The following DUSP11 variants were observed in gnomAD, a reference collection of about 807,000 sequenced individuals.
The protein encoded by DUSP11 is dual specificity phosphatase 11.
In DUSP11, 27 loss-of-function variants were observed where a neutral mutation model predicts 41.4. That is an observed-to-expected ratio of 0.65 (90% confidence interval 0.48 to 0.90). The LOEUF (loss-of-function observed/expected upper bound fraction) is 0.90, where lower values mean the gene tolerates loss of function less well. Among genes scored for constraint, DUSP11 ranks in the 40% least tolerant of loss-of-function variants. DUSP11 has a pLI of 0.00. For synonymous variants in DUSP11, 188 were observed against 159.3 expected (o/e 1.18, Z -1.35); for missense variants, 465 against 461.1 (o/e 1.01, Z -0.08).
intron 2 of DUSP11, among the ~76,000 whole-genome samples, chr2:73,777,958 G>C (rs762167554): frequency 2.6e-5 from 4 of 152,010 alleles, no homozygotes; most frequent in South Asian, 2.1e-4. Context: ...AACCCACCTA[G>C]ATCAGTCTAC....
At chr2:73,762,372 G>A (rs1378366217) in exon 9 of DUSP11, 2 of 214,268 alleles carry the variant, frequency 9.3e-6, no homozygotes, top group Admixed American at 5.5e-5. Flanking sequence ...AGAAAAACAA[G>A]ATAGAATTTT....
At chr2:73,762,798 C>G in exon 9 of DUSP11, 1 of 1,612,416 alleles carries the variant, frequency 6.2e-7, no homozygotes, top group Non-Finnish European at 8.5e-7. Context: ...TAGTCCTCTC[C>G]AGGGGGACCA....
chr2:73,771,779 G>C (rs1421549518), intron 4 of DUSP11, among the ~76,000 whole-genome samples: 3 of 149,104 alleles, frequency 2.0e-5, no homozygotes, highest in African/African-American at 7.4e-5. Context: ...CGGGATTACA[G>C]GCATGAGCCA....
At chr2:73,770,273 G>A (rs2103936318) in intron 4 of DUSP11, among the ~76,000 whole-genome samples, 1 of 152,034 alleles carries the variant, frequency 6.6e-6, no homozygotes, top group East Asian at 1.9e-4. Flanking sequence ...CCAGCCCTTT[G>A]GGAGGCGGAG....
At position 73,766,413 on chromosome 2, in the gene DUSP11, G is replaced by C. The variant is rs147626836; in HGVS notation, c.935+5C>G. 864 of 1,601,724 alleles carry C rather than the reference G, an allele frequency of 5.4e-4. 3 individuals carry two copies. The African/African-American group carries it at 0.01, about 19-fold the overall frequency. On this transcript the variant is annotated splice_donor_5th_base_variant and intron_variant, in intron 8 of 8. Transcript: ENST00000272444. ...TTCTAGAAAAGGGAAAACAGAGAGA[G>C]GTACCTGACTGATTGTTGCAAACTT...
At chr2:73,778,257 T>G (rs766200711) in intron 2 of DUSP11, 44 bp downstream of exon 2, 1 of 1,340,488 alleles carries the variant, frequency 7.5e-7, no homozygotes, top group Admixed American at 2.0e-5. Context: ...TTCTGCATGG[T>G]GAACTCAGAT....
chr2:73,774,851 T>G, intron 3 of DUSP11, 62 bp downstream of exon 3: 2 of 1,359,416 alleles, frequency 1.5e-6, no homozygotes, highest in Non-Finnish European at 2.0e-6. Flanking sequence ...ATTACTGAAT[T>G]ACTATAAATT....
chr2:73,762,802 G>A (rs537313094), exon 9 of DUSP11: 8 of 1,611,694 alleles, frequency 5.0e-6, no homozygotes, highest in African/African-American at 1.3e-5. Flanking sequence ...CCTCTCCAGG[G>A]GGACCAGGAG....
intron 2 of DUSP11, 60 bp downstream of exon 2, chr2:73,778,241 G>C: frequency 9.3e-7 from 1 of 1,074,608 alleles, no homozygotes; most frequent in Non-Finnish European, 1.4e-6. Context: ...AGAGTGGAGA[G>C]CAGTGTTCTG....
At chr2:73,775,889 G>C (rs1011698920) in intron 2 of DUSP11, among the ~76,000 whole-genome samples, 2 of 114,718 alleles carry the variant, frequency 1.7e-5, no homozygotes, top group Non-Finnish European at 3.6e-5. Flanking sequence ...AAAAAAAAAA[G>C]AGATAGGGTC....
chr2:73,778,248 T>C, intron 2 of DUSP11, 53 bp downstream of exon 2: 3 of 1,229,990 alleles, frequency 2.4e-6, no homozygotes, highest in Non-Finnish European at 3.5e-6. Flanking sequence ...AGAGCAGTGT[T>C]CTGCATGGTG....
intron 5 of DUSP11, chr2:73,768,376 T>A (rs1672511278): frequency 1.1e-6 from 1 of 883,066 alleles, no homozygotes; most frequent in African/African-American, 1.8e-5. Flanking sequence ...AGCTAAAGTC[T>A]CTTTGCTAAC....
chr2:73,780,033 C>A (rs1672762162), exon 1 of DUSP11: 2 of 1,613,892 alleles, frequency 1.2e-6, no homozygotes, highest in Non-Finnish European at 1.7e-6. Context: ...CAGTCCGGCG[C>A]CCTCAATGCC....
chr2:73,779,653 CAGAACCTCCCTTTTACA>C (rs1395720951), intron 1 of DUSP11: 10 of 701,326 alleles, frequency 1.4e-5, no homozygotes, highest in Non-Finnish European at 2.4e-5. Flanking sequence ...GAGCAATGGC[CAGAACCTCCCTTTTACA>C]AGAATATGGA....
Position 73,767,139 on chromosome 2 carries a change from T to G in DUSP11, c.682+22A>C, listed in dbSNP as rs373082460. 22 of 1,593,870 alleles carry G rather than the reference T, an allele frequency of 1.4e-5. No individual in the cohort carries two copies. In the East Asian group the frequency reaches 4.2e-4, roughly 31 times the overall value. ...CTTTAACTTTAATAAAAGGGAAAAA[T>G]AGTGTCAACCCTCATACTTACATTC... On this transcript the variant is annotated intron_variant, in intron 6 of 8. Coordinates refer to ENST00000272444, the Ensembl canonical transcript of DUSP11.
exon 8 of DUSP11, chr2:73,766,477 C>T: frequency 6.2e-6 from 10 of 1,614,058 alleles, no homozygotes; most frequent in Non-Finnish European, 8.5e-6. Flanking sequence ...CTGAGTGACC[C>T]TGGATCTGAT....
At chr2:73,762,721 CCTT>C (rs1210020635) in exon 9 of DUSP11, 2 of 1,613,728 alleles carry the variant, frequency 1.2e-6, no homozygotes, top group East Asian at 4.5e-5. Flanking sequence ...AAGGATACCA[CCTT>C]CTTCTATCCT....
rs1360544002 is a variant in DUSP11, at chr2:73,780,094, C to A, written c.22G>T (p.Glu8Ter). The A allele has an allele frequency of 1.1e-5, 17 of 1,567,986 alleles. No homozygotes were observed. The highest frequency in any genetic ancestry group is 1.4e-5 in the African/African-American group (1 of 73,916). The change falls in exon 1 of 9, where the codon GAG becomes TAG. Residue 8 changes from glutamate to a stop codon, truncating the protein, a stop_gained. Coordinates refer to ENST00000272444, the Ensembl canonical transcript of DUSP11. LOFTEE classifies it high-confidence loss of function. Reference sequence around the variant, plus strand: ...ACTCGGCAGCCACCTACGCCGCGCTCCAGCGTCTCGCTATTGCGCATGTGC... The same window carrying A: ...ACTCGGCAGCCACCTACGCCGCGCTACAGCGTCTCGCTATTGCGCATGTGC...
At chr2:73,762,616 C>T in exon 9 of DUSP11, 1 of 1,480,492 alleles carries the variant, frequency 6.8e-7, no homozygotes, top group South Asian at 1.3e-5. Context: ...CAGTAATTTT[C>T]AGGCCAGCTC....
Sources: allele counts gnomAD v4.1 joint callset (sites outside exome capture counted in the v4.1 genomes callset), GRCh38; gene constraint gnomAD v4.1.1; transcripts MANE v1.5; gene names NCBI Gene and HGNC (gene_info 2026-07-23, HGNC 2026-07-21).